The following FAM168A variants were observed in gnomAD, a reference collection of about 807,000 sequenced individuals.
FAM168A encodes the protein protein FAM168A.
FAM168A carries 3 observed loss-of-function variants against 28.5 expected under a neutral mutation model. That is an observed-to-expected ratio of 0.11 (90% confidence interval 0.05 to 0.27). The LOEUF is 0.27. Among genes scored for constraint, FAM168A ranks in the 10% least tolerant of loss-of-function variants. The pLI, the probability that FAM168A is intolerant of heterozygous loss-of-function variation, is 1.00. For missense variants in FAM168A, 222 were observed against 311.5 expected (o/e 0.71, Z 2.16); for synonymous variants, 122 against 124.2 (o/e 0.98, Z 0.12).
rs1018909310 is a variant in FAM168A, at chr11:73,403,820, C to A, written c.*2943G>T. On this transcript the variant is annotated 3_prime_UTR_variant, in exon 8 of 8. Transcript: ENST00000356467. Reference sequence around the variant, plus strand: ...CTCATACTGAAAAAGGGGTGCTGGACCTGGGCTCTTCCAGACCACAGCCTT... The same window carrying A: ...CTCATACTGAAAAAGGGGTGCTGGAACTGGGCTCTTCCAGACCACAGCCTT... 2 of 152,240 alleles carry A rather than the reference C, an allele frequency of 1.3e-5. No individual in the cohort carries two copies. Among genetic ancestry groups the A allele is most frequent in the Non-Finnish European group, 2.9e-5 (2 of 68,068 alleles). The allele number at this position is 152,240 out of a possible 1,614,324, so 9.4% of individuals were successfully genotyped here.
chr11:73,496,702 A>C (rs957281678), intron 1 of FAM168A, among the ~76,000 whole-genome samples: 1 of 152,096 alleles, frequency 6.6e-6, no homozygotes, highest in Non-Finnish European at 1.5e-5. Flanking sequence ...CTGGGACTAC[A>C]GGCGCCCACC....
intron 1 of FAM168A, among the ~76,000 whole-genome samples, chr11:73,503,858 C>T (rs142843511): frequency 6.6e-6 from 1 of 152,306 alleles, no homozygotes; most frequent in East Asian, 1.9e-4. Flanking sequence ...CACACATCTA[C>T]AAACATCTGA....
At chr11:73,515,397 T>C (rs1943288013) in intron 1 of FAM168A, among the ~76,000 whole-genome samples, 1 of 151,196 alleles carries the variant, frequency 6.6e-6, no homozygotes, top group Non-Finnish European at 1.5e-5. Flanking sequence ...TAATCCAAGC[T>C]ACTCCGGAGG....
intron 1 of FAM168A, among the ~76,000 whole-genome samples, chr11:73,505,724 T>C (rs1429095343): frequency 1.3e-5 from 2 of 152,140 alleles, no homozygotes; most frequent in Non-Finnish European, 2.9e-5. Context: ...GAGAAGAACG[T>C]AACCCCTTTG....
chr11:73,538,352 A>G (rs79174557), intron 1 of FAM168A, among the ~76,000 whole-genome samples: 51 of 152,008 alleles, frequency 3.4e-4, no homozygotes, highest in African/African-American at 1.1e-3. Flanking sequence ...AAAAAAAAAA[A>G]AGAGAGAGAG....
At chr11:73,478,133 C>T (rs1041464061) in intron 1 of FAM168A, among the ~76,000 whole-genome samples, 2 of 152,188 alleles carry the variant, frequency 1.3e-5, no homozygotes, top group Admixed American at 1.3e-4. Context: ...ATTGGAGCAA[C>T]ATTTCTACAT....
At chr11:73,436,224 G>C (rs535931155) in intron 2 of FAM168A, among the ~76,000 whole-genome samples, 1 of 152,230 alleles carries the variant, frequency 6.6e-6, no homozygotes, top group South Asian at 2.1e-4. Context: ...GTTGGTACTA[G>C]GATTAGGACT....
chr11:73,477,943 AG>A (rs1283610779), intron 1 of FAM168A, among the ~76,000 whole-genome samples: 3 of 150,730 alleles, frequency 2.0e-5, no homozygotes, highest in African/African-American at 7.5e-5. Flanking sequence ...ATAGATAGAT[AG>A]ATAGATAGAT....
chr11:73,481,852 G>A (rs1867971394), intron 1 of FAM168A, among the ~76,000 whole-genome samples: 1 of 152,156 alleles, frequency 6.6e-6, no homozygotes, highest in Non-Finnish European at 1.5e-5. Flanking sequence ...AGAGCCTTCT[G>A]GGAGGTCTTC....
At chr11:73,429,424 A>C (rs1866945083) in intron 3 of FAM168A, among the ~76,000 whole-genome samples, 1 of 152,214 alleles carries the variant, frequency 6.6e-6, no homozygotes, top group Non-Finnish European at 1.5e-5. Context: ...TAAGTGCTAA[A>C]CAAGAAAATG....
intron 2 of FAM168A, among the ~76,000 whole-genome samples, chr11:73,464,533 T>A (rs74899613): frequency 6.6e-4 from 101 of 152,076 alleles, no homozygotes; most frequent in African/African-American, 2.4e-3. Context: ...TGAACTGGAG[T>A]GGGCTAGCAG....
At chr11:73,449,035 G>C (rs561145382) in intron 2 of FAM168A, among the ~76,000 whole-genome samples, 1 of 152,056 alleles carries the variant, frequency 6.6e-6, no homozygotes, top group East Asian at 1.9e-4. Context: ...GAGTGCAGTG[G>C]CATGATCATG....
rs1438874020 is a variant in FAM168A at position 73,406,758 on chromosome 11, G to A, written c.*19-14C>T. On this transcript the variant is annotated splice_polypyrimidine_tract_variant and intron_variant, in intron 7 of 7. Transcript: ENST00000356467. ...GTGACTCCAGATCTGCAGAGGGAAA[G>A]GGGAAAGAAACAGTGTCAGTGATAT... The A allele has an allele frequency of 6.6e-6, 1 of 152,656 alleles. No homozygotes were observed. The highest frequency in any genetic ancestry group is 2.4e-5 in the African/African-American group (1 of 41,438). 9.5% of individuals were successfully genotyped at this position (152,656 alleles called of 1,614,324 possible).
intron 1 of FAM168A, among the ~76,000 whole-genome samples, chr11:73,482,799 C>T (rs1867985449): frequency 6.6e-6 from 1 of 152,160 alleles, no homozygotes; most frequent in African/African-American, 2.4e-5. Context: ...AATGCAATGG[C>T]GCAATTTCAG....
chr11:73,538,865 A>G (rs56260110), intron 1 of FAM168A, among the ~76,000 whole-genome samples: 12,479 of 152,210 alleles, frequency 0.082, 1,552 homozygotes, highest in African/African-American at 0.27. Context: ...CTCTAGCCAC[A>G]TTCATCTAGA....
chr11:73,481,940 T>C (rs770984393), intron 1 of FAM168A, among the ~76,000 whole-genome samples: 1 of 152,146 alleles, frequency 6.6e-6, no homozygotes, highest in Non-Finnish European at 1.5e-5. Context: ...CATCCTTTCA[T>C]AGCCTTTCCA....
In FAM168A at chr11:73,403,353, A is replaced by C. The variant is rs1866447077; in HGVS notation, c.*3410T>G. On this transcript the variant is annotated 3_prime_UTR_variant, in exon 8 of 8. Transcript: ENST00000356467. Reference sequence around the variant, plus strand: ...CCCAGGCCAGTGAGGAGAGGGGGTCAGGTAGAAGTAGAAGAATTCAAAAGG... The same window carrying C: ...CCCAGGCCAGTGAGGAGAGGGGGTCCGGTAGAAGTAGAAGAATTCAAAAGG... 3 of 152,188 alleles carry C rather than the reference A, an allele frequency of 2.0e-5. No homozygotes were observed. Among genetic ancestry groups the C allele is most frequent in the Admixed American group, 2.0e-4 (3 of 15,270 alleles). 9.4% of individuals were successfully genotyped at this position (152,188 alleles called of 1,614,324 possible). A position where few individuals can be genotyped will look rare whatever the true frequency, so the allele number is the denominator to read the frequency against.
At chr11:73,513,311 G>A (rs1010131583) in intron 1 of FAM168A, among the ~76,000 whole-genome samples, 54 of 144,782 alleles carry the variant, frequency 3.7e-4, no homozygotes, top group Non-Finnish European at 6.9e-4. Context: ...CCAGGTTCAC[G>A]CCATTCTCCT....
At chr11:73,438,595 G>A (rs1040023599) in intron 2 of FAM168A, among the ~76,000 whole-genome samples, 4 of 152,160 alleles carry the variant, frequency 2.6e-5, no homozygotes, top group Non-Finnish European at 5.9e-5. Flanking sequence ...TTGAATGCCA[G>A]GCTAAGGGAT....
Sources: allele counts gnomAD v4.1 joint callset (sites outside exome capture counted in the v4.1 genomes callset), GRCh38; gene constraint gnomAD v4.1.1; transcripts MANE v1.5; gene names NCBI Gene and HGNC (gene_info 2026-07-23, HGNC 2026-07-21).